TMEM45A: variants seen among roughly 807,000 people sequenced by gnomAD.
TMEM45A encodes the protein DNA polymerase-transactivated protein 4.
In TMEM45A, 25 loss-of-function variants were observed where a neutral mutation model predicts 32.0. That is an observed-to-expected ratio of 0.78 (90% CI 0.57 to 1.09). The LOEUF (loss-of-function observed/expected upper bound fraction) is 1.09. TMEM45A is among the 50% of genes least tolerant of loss of function. The pLI is 0.00. For synonymous variants in TMEM45A, 122 were observed against 114.8 expected (o/e 1.06, Z -0.40); for missense variants, 302 against 325.0 (o/e 0.93, Z 0.54).
chr3:100,539,120 C>A (rs1412513833), intron 1 of TMEM45A, among the ~76,000 whole-genome samples: 1 of 152,088 alleles, frequency 6.6e-6, no homozygotes, highest in Non-Finnish European at 1.5e-5. Context: ...TATGGACAGA[C>A]AAAGGACCCA....
At chr3:100,567,293 C>T (rs1344389170) in intron 4 of TMEM45A, among the ~76,000 whole-genome samples, 1 of 151,774 alleles carries the variant, frequency 6.6e-6, no homozygotes, top group African/African-American at 2.4e-5. Flanking sequence ...CTTTGGCACC[C>T]TTGTCAAAAA....
At chr3:100,514,803 A>T (rs1475575952) in intron 1 of TMEM45A, among the ~76,000 whole-genome samples, 1 of 151,518 alleles carries the variant, frequency 6.6e-6, no homozygotes, top group East Asian at 1.9e-4. Flanking sequence ...AACCCCATCA[A>T]AAAGTGGGCG....
chr3:100,564,571 C>A (rs969235547), intron 4 of TMEM45A, among the ~76,000 whole-genome samples: 2 of 151,956 alleles, frequency 1.3e-5, no homozygotes, highest in Non-Finnish European at 2.9e-5. Flanking sequence ...GCCACCTCCA[C>A]CTCCCGGGTT....
chr3:100,505,302 A>G (rs1708064112), intron 1 of TMEM45A, among the ~76,000 whole-genome samples: 2 of 152,250 alleles, frequency 1.3e-5, no homozygotes, highest in Admixed American at 6.5e-5. Flanking sequence ...TTAGCAACAG[A>G]CAGCCATAGT....
At chr3:100,499,356 A>G (rs1332045825) in intron 1 of TMEM45A, among the ~76,000 whole-genome samples, 1 of 152,046 alleles carries the variant, frequency 6.6e-6, no homozygotes, top group African/African-American at 2.4e-5. Flanking sequence ...TTCCATTTTG[A>G]GTTAATTTTG....
intron 1 of TMEM45A, among the ~76,000 whole-genome samples, chr3:100,511,059 A>G (rs1204173224): frequency 2.0e-5 from 3 of 152,238 alleles, no homozygotes; most frequent in Admixed American, 2.0e-4. Flanking sequence ...TCAGGATATT[A>G]TCCAGGAGAA....
At chr3:100,530,339 G>A (rs1019537442) in intron 1 of TMEM45A, among the ~76,000 whole-genome samples, 2 of 152,126 alleles carry the variant, frequency 1.3e-5, no homozygotes, top group African/African-American at 4.8e-5. Flanking sequence ...TGTTGCAATC[G>A]CAAAACCAAA....
intron 1 of TMEM45A, among the ~76,000 whole-genome samples, chr3:100,549,356 C>A (rs1481505840): frequency 1.3e-5 from 2 of 152,232 alleles, no homozygotes; most frequent in Admixed American, 6.5e-5. Flanking sequence ...AGAACACGAT[C>A]TATTATGTTA....
At chr3:100,526,221 C>G (rs933997760) in intron 1 of TMEM45A, among the ~76,000 whole-genome samples, 3 of 152,206 alleles carry the variant, frequency 2.0e-5, no homozygotes, top group African/African-American at 4.8e-5. Context: ...TTCTGGACGT[C>G]TCTCACTTTT....
chr3:100,575,546 A>G (rs943610467), intron 5 of TMEM45A, among the ~76,000 whole-genome samples: 1 of 151,566 alleles, frequency 6.6e-6, no homozygotes. Flanking sequence ...CTAATTTTGT[A>G]TTTTTAGTAG....
chr3:100,539,612 G>GT (rs1281789364), intron 1 of TMEM45A, among the ~76,000 whole-genome samples: 1 of 152,094 alleles, frequency 6.6e-6, no homozygotes, highest in Non-Finnish European at 1.5e-5. Flanking sequence ...ATAAGCCTCA[G>GT]TGTCCAAAGC....
chr3:100,568,393 A>C (rs1194244585), intron 4 of TMEM45A, among the ~76,000 whole-genome samples: 1 of 152,242 alleles, frequency 6.6e-6, no homozygotes, highest in African/African-American at 2.4e-5. Flanking sequence ...GTGTGAAAGC[A>C]GACATCCATG....
At chr3:100,507,962 G>A (rs965480634) in intron 1 of TMEM45A, among the ~76,000 whole-genome samples, 3 of 150,770 alleles carry the variant, frequency 2.0e-5, no homozygotes, top group African/African-American at 4.9e-5. Flanking sequence ...AGATAAGCAC[G>A]ATGTCAAATA....
At position 100,566,013 on chromosome 3, in the gene TMEM45A, C is replaced by G. The variant is rs142383257; in HGVS notation, c.589-2809C>G. ...GTCTAGTCTAGATATTTTATGTAAT[C>G]AGAATCATAATATATGTGAACTTTT... On this transcript the variant is annotated intron_variant, in intron 4 of 5. Transcript: ENST00000323523. 3.4e-3 allele frequency among the ~76,000 whole-genome samples: 515 copies of G among 152,242 alleles called. 2 individuals are homozygous for G. The highest frequency in any genetic ancestry group is 0.012 in the African/African-American group (482 of 41,530).
rs183992525 is a variant in TMEM45A at position 100,522,492 on chromosome 3, C to T, written c.-4+29564C>T. ...CTCACATTTGAGAGACTTCAATCTC[C>T]TTGGCCTGTCAAAATGAAGTTCTTC... On this transcript the variant is annotated intron_variant, in intron 1 of 5. Coordinates refer to ENST00000323523, the MANE Select transcript of TMEM45A (RefSeq NM_018004.3). Among the ~76,000 whole-genome samples the T allele has an allele frequency of 3.9e-3, 597 of 152,322 alleles. 3 individuals are homozygous for T. The highest frequency in any genetic ancestry group is 0.014 in the African/African-American group (570 of 41,580).
intron 1 of TMEM45A, among the ~76,000 whole-genome samples, chr3:100,545,075 T>G (rs937024692): frequency 2.0e-5 from 3 of 152,230 alleles, no homozygotes; most frequent in African/African-American, 7.2e-5. Flanking sequence ...ATATCCCAAA[T>G]GACTAATGAT....
intron 1 of TMEM45A, among the ~76,000 whole-genome samples, chr3:100,526,994 T>A (rs1431318862): frequency 6.6e-6 from 1 of 152,222 alleles, no homozygotes; most frequent in Admixed American, 6.5e-5. Flanking sequence ...TATGTCCGTA[T>A]TTTAAAATAG....
At chr3:100,497,729 C>T (rs1707949674) in intron 1 of TMEM45A, among the ~76,000 whole-genome samples, 1 of 152,104 alleles carries the variant, frequency 6.6e-6, no homozygotes, top group African/African-American at 2.4e-5. Flanking sequence ...GTGGTATGTG[C>T]CAGAATATCC....
rs1707864244 is a variant in TMEM45A, at chr3:100,492,756, C to T, written c.-176C>T. 1 of 74,538 alleles carries T rather than the reference C, an allele frequency of 1.3e-5. No individual in the cohort carries two copies. Among genetic ancestry groups the T allele is most frequent in the East Asian group, 2.0e-4 (1 of 5,052 alleles). The allele number at this position is 74,538 out of a possible 1,614,324, so 4.6% of individuals were successfully genotyped here. The stretch of plus-strand genomic sequence containing the variant: ...GACTAGGGACCCAAGTTTAAAAATT[C>T]CTCCCCCCACCCAATGCGAGACGTG... On this transcript the variant is annotated 5_prime_UTR_variant, in exon 1 of 6. Coordinates refer to ENST00000323523, the MANE Select transcript of TMEM45A (RefSeq NM_018004.3).
Sources: allele counts gnomAD v4.1 joint callset (sites outside exome capture counted in the v4.1 genomes callset), GRCh38; gene constraint gnomAD v4.1.1; transcripts MANE v1.5; gene names NCBI Gene and HGNC (gene_info 2026-07-23, HGNC 2026-07-21).